The following RTN4IP1 variants were observed in gnomAD, a reference collection of about 807,000 sequenced individuals.
RTN4IP1 encodes the protein NAD(P)H oxidoreductase RTN4IP1, mitochondrial.
RTN4IP1 carries 32 observed loss-of-function variants against 46.6 expected under a neutral mutation model. The observed-to-expected ratio is 0.69, with a 90% CI of 0.52 to 0.92. The LOEUF (loss-of-function observed/expected upper bound fraction) is 0.92, where lower values mean the gene tolerates loss of function less well. Ranked by LOEUF, RTN4IP1 falls within the 40% of genes least tolerant of loss-of-function variation. RTN4IP1 has a pLI of 0.00. For synonymous variants in RTN4IP1, 167 were observed against 161.8 expected (o/e 1.03, Z -0.24); for missense variants, 424 against 485.8 (o/e 0.87, Z 1.20).
At chr6:106,617,991 T>G (rs1195244377) in intron 4 of RTN4IP1, among the ~76,000 whole-genome samples, 1 of 152,182 alleles carries the variant, frequency 6.6e-6, no homozygotes, top group Non-Finnish European at 1.5e-5. Flanking sequence ...CTAATTTAAT[T>G]TAAACAAAGT....
In RTN4IP1 at chr6:106,602,895, T is replaced by G. The variant is rs759608632; in HGVS notation, c.648A>C (p.Gly216=). 4 of 1,604,724 alleles carry G rather than the reference T, an allele frequency of 2.5e-6. No individual in the cohort carries two copies. The East Asian group carries it at 9.0e-5, about 36-fold the overall frequency. The change falls in exon 5 of 9, where the codon GGA becomes GGC. Residue 216 remains glycine (G), a synonymous_variant. Transcript: ENST00000369063. ...KRVLILGASG[G]VGTFAIQVMK... ...TTACCTGTATAGCAAAAGTACCAAC[T>G]CCGCCTGAAGCGCCTAAGATTAGAA...
intron 5 of RTN4IP1, among the ~76,000 whole-genome samples, chr6:106,602,498 C>A (rs181850484): frequency 1.3e-4 from 20 of 152,264 alleles, no homozygotes; most frequent in African/African-American, 3.6e-4. Flanking sequence ...AAATTGCTAA[C>A]TTCCATCTAC....
rs183692059 is a variant in RTN4IP1, at chr6:106,619,776, T to C, written c.496-450A>G. On this transcript the variant is annotated intron_variant, in intron 3 of 8. Transcript: ENST00000369063. The stretch of plus-strand genomic sequence containing the variant: ...ACAGGCGCCCGCCACTGCGCCCAGC[T>C]AATTTTTTGTATTTTCAGTAGAGAC... Among the ~76,000 whole-genome samples, 510 of 148,452 alleles carry C rather than the reference T, an allele frequency of 3.4e-3. 7 individuals are homozygous for C. Among genetic ancestry groups the C allele is most frequent in the African/African-American group, 0.012 (478 of 38,726 alleles).
Position 106,572,060 on chromosome 6 carries a change from G to C in RTN4IP1, c.1127C>G (p.Pro376Arg). The C allele has an allele frequency of 6.2e-7, 1 of 1,614,002 alleles. No individual in the cohort carries two copies. The highest frequency in any genetic ancestry group is 8.5e-7 in the Non-Finnish European group (1 of 1,179,924). The change falls in exon 9 of 9, where the codon CCA becomes CGA. Residue 376 changes from proline to arginine, a missense_variant. Transcript: ENST00000369063. ...IEQTFPFSKV[P>R]EAFLKVERGH... is the part of the protein sequence containing the mutation. ...TCTTTCCACCTTCAGGAAGGCTTCT[G>C]GAACTTTAGAAAAAGGAAAGGTTTG...
chr6:106,615,076 T>C (rs1776315978), intron 4 of RTN4IP1, among the ~76,000 whole-genome samples: 1 of 151,280 alleles, frequency 6.6e-6, no homozygotes, highest in Admixed American at 6.6e-5. Context: ...AACCCCATAC[T>C]TTGTTTATGC....
intron 8 of RTN4IP1, among the ~76,000 whole-genome samples, chr6:106,575,384 C>G (rs6926888): frequency 0.14 from 21,534 of 152,174 alleles, 1,751 homozygotes; most frequent in African/African-American, 0.21. Flanking sequence ...CCAAGCCAAG[C>G]CCCAAGATTT....
intron 4 of RTN4IP1, among the ~76,000 whole-genome samples, chr6:106,604,359 T>C (rs746247838): frequency 6.6e-6 from 1 of 152,178 alleles, no homozygotes; most frequent in Non-Finnish European, 1.5e-5. Context: ...TCCAAAATTA[T>C]AAAGACTAGA....
At chr6:106,599,746 G>A (rs1775895497) in intron 5 of RTN4IP1, among the ~76,000 whole-genome samples, 1 of 151,348 alleles carries the variant, frequency 6.6e-6, no homozygotes, top group East Asian at 1.9e-4. Flanking sequence ...GAATAGCCCT[G>A]CTCTGAAATT....
intron 5 of RTN4IP1, among the ~76,000 whole-genome samples, chr6:106,596,809 T>C (rs1775803568): frequency 6.6e-6 from 1 of 152,226 alleles, no homozygotes; most frequent in Non-Finnish European, 1.5e-5. Flanking sequence ...GTTCTTCATG[T>C]TGATAACAGT....
chr6:106,603,096 A>C (rs1432428756), intron 4 of RTN4IP1, among the ~76,000 whole-genome samples, 174 bp from the exon 5 acceptor site: 1 of 152,236 alleles, frequency 6.6e-6, no homozygotes, highest in Non-Finnish European at 1.5e-5. Context: ...GTTCACCAAG[A>C]AACTGCAGTT....
intron 8 of RTN4IP1, among the ~76,000 whole-genome samples, chr6:106,580,002 C>G (rs762218278): frequency 1.2e-4 from 18 of 151,680 alleles, no homozygotes; most frequent in Non-Finnish European, 2.5e-4. Context: ...ATCATGAGGT[C>G]AGGAAATCGA....
At chr6:106,585,181 TAAAAAG>T (rs1775454493) in intron 7 of RTN4IP1, among the ~76,000 whole-genome samples, 1 of 152,178 alleles carries the variant, frequency 6.6e-6, no homozygotes, top group African/African-American at 2.4e-5. Context: ...GCAACTAACT[TAAAAAG>T]AAGAGGCCAG....
In RTN4IP1 at chr6:106,629,119, C is replaced by T. The variant is rs1195104832; in HGVS notation, c.-98G>A. The stretch of plus-strand genomic sequence containing the variant: ...CAGTCAAATTCTGCCAAACCACGGG[C>T]TAGTTTCAAAATTAAGCATGCAAAA... On this transcript the variant is annotated 5_prime_UTR_variant, in exon 1 of 9. Transcript: ENST00000369063. The T allele has an allele frequency of 1.1e-5, 13 of 1,220,610 alleles. No homozygotes were observed. Among genetic ancestry groups the T allele is most frequent in the Non-Finnish European group, 1.4e-5 (12 of 878,840 alleles). The allele number at this position is 1,220,610 out of a possible 1,614,324, so 75.6% of individuals were successfully genotyped here.
intron 6 of RTN4IP1, among the ~76,000 whole-genome samples, chr6:106,589,290 G>A (rs61509607): frequency 6.9e-5 from 7 of 102,164 alleles, no homozygotes; most frequent in East Asian, 4.1e-4. Flanking sequence ...GAAGAAGAAA[G>A]AGAAGAAGAA....
At chr6:106,615,122 AC>A in intron 4 of RTN4IP1, among the ~76,000 whole-genome samples, 1 of 151,626 alleles carries the variant, frequency 6.6e-6, no homozygotes, top group South Asian at 2.1e-4. Flanking sequence ...ACTTCCCCTT[AC>A]CCCCCTAACA....
In RTN4IP1 at chr6:106,580,682, G is replaced by T. The variant is rs1339150872; in HGVS notation, c.1083+2646C>A. Among the ~76,000 whole-genome samples the T allele has an allele frequency of 2.0e-5, 3 of 146,888 alleles. No homozygotes were observed. The Admixed American group carries it at 2.1e-4, about 10-fold the overall frequency. ...TGCAGTGAGCTGAGATCACACCACT[G>T]CACTCCAGCCTCGGCGACAGAGCAA... On this transcript the variant is annotated intron_variant, in intron 8 of 8. Coordinates refer to ENST00000369063, the MANE Select transcript of RTN4IP1 (RefSeq NM_032730.5).
intron 4 of RTN4IP1, among the ~76,000 whole-genome samples, chr6:106,612,568 A>C (rs917521187): frequency 1.3e-5 from 2 of 151,886 alleles, no homozygotes; most frequent in Non-Finnish European, 2.9e-5. Context: ...ACGAGTTCTA[A>C]ATTTCTTTTC....
At chr6:106,575,639 G>A (rs578224970) in intron 8 of RTN4IP1, among the ~76,000 whole-genome samples, 1 of 152,352 alleles carries the variant, frequency 6.6e-6, no homozygotes, top group South Asian at 2.1e-4. Context: ...GCAGCAGGCA[G>A]AGGTTTTCCC....
intron 1 of RTN4IP1, among the ~76,000 whole-genome samples, chr6:106,625,472 T>C (rs899248778): frequency 7.9e-5 from 12 of 152,066 alleles, no homozygotes; most frequent in African/African-American, 1.9e-4. Flanking sequence ...AGACCTTTGG[T>C]AACCCTGCCA....
Sources: gnomAD v4.1 joint callset for allele counts (sites outside exome capture counted in the v4.1 genomes callset) on GRCh38, gnomAD v4.1.1 for gene constraint, MANE v1.5 for transcripts, NCBI Gene and HGNC (gene_info 2026-07-23, HGNC 2026-07-21) for gene names.